PRKN: variants seen among roughly 807,000 people sequenced by gnomAD.
The protein encoded by PRKN is parkin RBR E3 ubiquitin protein ligase.
In PRKN, 56 loss-of-function variants were observed where a neutral mutation model predicts 59.5. The observed-to-expected ratio is 0.94, with a 90% CI of 0.76 to 1.18. The LOEUF (loss-of-function observed/expected upper bound fraction) is 1.18. Ranked by LOEUF, PRKN falls within the 50% of genes most tolerant of loss-of-function variation. The pLI, the probability that PRKN is intolerant of heterozygous loss-of-function variation, is 0.00. For synonymous variants in PRKN, 250 were observed against 222.1 expected, an observed-to-expected ratio of 1.13 and a Z score of -1.12; for missense variants, 657 against 596.4, an observed-to-expected ratio of 1.10 and a Z score of -1.06.
Position 162,357,195 on chromosome 6 carries a change from A to G in PRKN, c.171+86115T>C, listed in dbSNP as rs142322184. ...CCAGAGAATGAAAAGCCGAGTCACAATCAGAGAGAAAATATTCACAAAATA... is the reference window on the plus strand; with the variant it reads ...CCAGAGAATGAAAAGCCGAGTCACAGTCAGAGAGAAAATATTCACAAAATA... On this transcript the variant is annotated intron_variant, in intron 2 of 11. Transcript: ENST00000366898. 2.7e-3 allele frequency among the ~76,000 whole-genome samples: 407 copies of G among 152,296 alleles called. 1 individual carries two copies. The highest frequency in any genetic ancestry group is 8.8e-3 in the African/African-American group (364 of 41,560).
chr6:162,064,715 T>C (rs1188202040), intron 4 of PRKN, among the ~76,000 whole-genome samples: 1 of 152,262 alleles, frequency 6.6e-6, no homozygotes, highest in East Asian at 1.9e-4. Flanking sequence ...TGTAAAATAA[T>C]GAAAACTGAA....
At chr6:161,895,317 G>A (rs1229734974) in intron 6 of PRKN, among the ~76,000 whole-genome samples, 2 of 152,122 alleles carry the variant, frequency 1.3e-5, no homozygotes, top group African/African-American at 4.8e-5. Context: ...ATTGGCATAA[G>A]AAAATAAATA....
At chr6:162,457,515 G>T (rs750761636) in intron 1 of PRKN, among the ~76,000 whole-genome samples, 1 of 151,982 alleles carries the variant, frequency 6.6e-6, no homozygotes, top group Non-Finnish European at 1.5e-5. Flanking sequence ...GTTTCTCAAG[G>T]TGTTTTATAA....
intron 1 of PRKN, among the ~76,000 whole-genome samples, chr6:162,601,815 T>C (rs530038508): frequency 1.4e-4 from 21 of 152,312 alleles, no homozygotes; most frequent in Admixed American, 4.6e-4. Context: ...TATTGCATAT[T>C]TATCAGATTT....
At chr6:161,697,816 T>G (rs945774731) in intron 7 of PRKN, among the ~76,000 whole-genome samples, 1 of 152,212 alleles carries the variant, frequency 6.6e-6, no homozygotes, top group African/African-American at 2.4e-5. Context: ...CCCTGGCATT[T>G]TCTAATTGTG....
chr6:161,839,684 A>T (rs2128220357), intron 6 of PRKN, among the ~76,000 whole-genome samples: 1 of 152,292 alleles, frequency 6.6e-6, no homozygotes, highest in Admixed American at 6.5e-5. Flanking sequence ...TCAGAAATTA[A>T]TTTGAACAAT....
In PRKN at chr6:161,439,529, C is replaced by T. The variant is rs185517134; in HGVS notation, c.1084-52652G>A. On this transcript the variant is annotated intron_variant, in intron 9 of 11. Transcript: ENST00000366898. ...GCAGCTCCGTCTGTAATTATCTGGG[C>T]GCCATTAACTGCGTGGGAGCAGCTC... Among the ~76,000 whole-genome samples, 127 of 152,250 alleles carry T rather than the reference C, an allele frequency of 8.3e-4. 1 individual carries two copies. Among genetic ancestry groups the T allele is most frequent in the African/African-American group, 3.0e-3 (125 of 41,536 alleles).
At chr6:161,673,064 T>C (rs1429001261) in intron 7 of PRKN, among the ~76,000 whole-genome samples, 1 of 152,124 alleles carries the variant, frequency 6.6e-6, no homozygotes, top group Non-Finnish European at 1.5e-5. Context: ...TCCAGCCACA[T>C]AACTTCATAA....
At chr6:162,383,186 A>G (rs1786592003) in intron 2 of PRKN, among the ~76,000 whole-genome samples, 1 of 152,202 alleles carries the variant, frequency 6.6e-6, no homozygotes, top group African/African-American at 2.4e-5. Flanking sequence ...TCTTAATGAC[A>G]TCTAGAATGG....
At chr6:162,532,654 C>G (rs150920655) in intron 1 of PRKN, among the ~76,000 whole-genome samples, 1 of 152,304 alleles carries the variant, frequency 6.6e-6, no homozygotes, top group Non-Finnish European at 1.5e-5. Flanking sequence ...ATGTAAACCA[C>G]TTGTGATAAA....
At chr6:161,558,560 C>T (rs1241480269) in intron 8 of PRKN, among the ~76,000 whole-genome samples, 10 of 145,844 alleles carry the variant, frequency 6.9e-5, no homozygotes, top group African/African-American at 2.6e-4. Context: ...ATGAGACTTT[C>T]TCAAAAAAAA....
chr6:161,864,858 G>A (rs1460066184), intron 6 of PRKN, among the ~76,000 whole-genome samples: 1 of 152,038 alleles, frequency 6.6e-6, no homozygotes, highest in African/African-American at 2.4e-5. Context: ...GTTTCACTAT[G>A]TTGGCCAGAG....
At position 161,403,893 on chromosome 6, in the gene PRKN, C is replaced by T. The variant is rs1443390239; in HGVS notation, c.1084-17016G>A. Among the ~76,000 whole-genome samples, 3 of 152,168 alleles carry T rather than the reference C, an allele frequency of 2.0e-5. No individual in the cohort carries two copies. In the South Asian group the frequency reaches 6.2e-4, roughly 31 times the overall value. The stretch of plus-strand genomic sequence containing the variant: ...TTCACACATGCCTTTGCCCTTCTGC[C>T]TATCTGCTGTGGGATGATCCTGGCC... On this transcript the variant is annotated intron_variant, in intron 9 of 11. Transcript: ENST00000366898.
chr6:161,958,934 A>G lies in PRKN; in HGVS notation c.734+14368T>C, dbSNP rs114673728. ...AAAAGAATGTGAGAGTGGTTAGTTT[A>G]TAATATAGTTAACATAGTTGAATCT... On this transcript the variant is annotated intron_variant, in intron 6 of 11. Coordinates refer to ENST00000366898, the MANE Select transcript of PRKN (RefSeq NM_004562.3). Among the ~76,000 whole-genome samples, 1,150 of 152,228 alleles carry G rather than the reference A, an allele frequency of 7.6e-3. 10 individuals carry two copies. The highest frequency in any genetic ancestry group is 0.026 in the African/African-American group (1,072 of 41,540).
intron 1 of PRKN, among the ~76,000 whole-genome samples, chr6:162,549,680 C>T (rs920100618): frequency 5.4e-5 from 8 of 148,692 alleles, no homozygotes; most frequent in African/African-American, 2.0e-4. Context: ...GCTCTGTGGC[C>T]CAGGCTGAAG....
chr6:161,521,364 A>G (rs1477765832), intron 9 of PRKN, among the ~76,000 whole-genome samples: 1 of 152,230 alleles, frequency 6.6e-6, no homozygotes, highest in Non-Finnish European at 1.5e-5. Context: ...CCGAAAGCAA[A>G]GCATAAAATT....
intron 2 of PRKN, among the ~76,000 whole-genome samples, chr6:162,326,907 T>C (rs1015189081): frequency 9.2e-5 from 14 of 152,222 alleles, no homozygotes; most frequent in African/African-American, 3.4e-4. Flanking sequence ...ATCATGTGAC[T>C]ACACAATTCC....
chr6:162,315,885 A>T (rs1782734672), intron 2 of PRKN, among the ~76,000 whole-genome samples: 1 of 152,160 alleles, frequency 6.6e-6, no homozygotes, highest in African/African-American at 2.4e-5. Flanking sequence ...ACTTTTCAAT[A>T]ATTCCTCAGA....
Position 161,569,410 on chromosome 6 carries a change from C to A in PRKN, c.878G>T (p.Cys293Phe). The A allele has an allele frequency of 6.2e-7, 1 of 1,613,602 alleles. No individual in the cohort carries two copies. Among genetic ancestry groups the A allele is most frequent in the South Asian group, 1.1e-5 (1 of 91,072 alleles). ...LGYSLPCVAGCPNSLIKELHH... is the reference protein window; with the variant it reads ...LGYSLPCVAGFPNSLIKELHH... ...GAGCTCTTTAATCAAGGAGTTGGGA[C>A]AGCCAGCTGTTGGAAAGAAGAATTA... The change falls in exon 8 of 12, where the codon TGT becomes TTT. Residue 293 changes from cysteine to phenylalanine, a missense_variant. By Grantham distance (205) the Cys-to-Phe change is radical. Coordinates refer to ENST00000366898, the MANE Select transcript of PRKN (RefSeq NM_004562.3).
Sources: gnomAD v4.1 joint callset for allele counts (sites outside exome capture counted in the v4.1 genomes callset) on GRCh38, gnomAD v4.1.1 for gene constraint, MANE v1.5 for transcripts, NCBI Gene and HGNC (gene_info 2026-07-23, HGNC 2026-07-21) for gene names.